Variants in SGCZ observed in about 807,000 individuals in gnomAD.
SGCZ encodes sarcoglycan zeta.
A neutral mutation model predicts 41.3 loss-of-function variants in SGCZ; 40 were observed. The ratio of observed to expected loss-of-function variants is 0.97; its 90% CI spans 0.75 to 1.26. SGCZ has a LOEUF of 1.26. Among genes scored for constraint, SGCZ ranks in the 50% most tolerant of loss-of-function variants. The pLI is 0.00. For synonymous variants in SGCZ, 206 were observed against 137.5 expected (o/e 1.50, Z -3.49); for missense variants, 552 against 369.8 (o/e 1.49, Z -4.04).
chr8:14,763,258 T>C (rs534102772), intron 1 of SGCZ, among the ~76,000 whole-genome samples: 4 of 152,278 alleles, frequency 2.6e-5, no homozygotes, highest in East Asian at 1.9e-4. Context: ...GCTTGTGAGA[T>C]ACTGTTCATT....
intron 3 of SGCZ, among the ~76,000 whole-genome samples, chr8:14,306,864 T>C (rs1278125882): frequency 1.3e-5 from 2 of 152,228 alleles, no homozygotes; most frequent in Admixed American, 6.5e-5. Flanking sequence ...ATTAATACAT[T>C]ACTTCTTTGT....
intron 1 of SGCZ, among the ~76,000 whole-genome samples, chr8:15,214,583 T>G (rs1429780497): frequency 6.6e-6 from 1 of 152,148 alleles, no homozygotes; most frequent in Non-Finnish European, 1.5e-5. Context: ...TTAGGTTTTG[T>G]CAGAATATTT....
At chr8:14,102,837 ATTT>A (rs1388610512) in intron 6 of SGCZ, among the ~76,000 whole-genome samples, 1 of 152,286 alleles carries the variant, frequency 6.6e-6, no homozygotes, top group African/African-American at 2.4e-5. Context: ...ACTTGCTAAA[ATTT>A]TTAATAACTT....
intron 1 of SGCZ, among the ~76,000 whole-genome samples, chr8:14,673,630 G>A (rs927110667): frequency 1.3e-5 from 2 of 152,144 alleles, no homozygotes; most frequent in African/African-American, 4.8e-5. Flanking sequence ...TTTTATAGCA[G>A]TGTGAAAATG....
intron 4 of SGCZ, among the ~76,000 whole-genome samples, chr8:14,217,507 C>A (rs926748214): frequency 6.6e-6 from 1 of 151,720 alleles, no homozygotes; most frequent in Non-Finnish European, 1.5e-5. Flanking sequence ...TTATATGGCA[C>A]TTCCCGTGAA....
intron 3 of SGCZ, among the ~76,000 whole-genome samples, chr8:14,261,409 A>G (rs1231761006): frequency 6.6e-6 from 1 of 152,186 alleles, no homozygotes; most frequent in Non-Finnish European, 1.5e-5. Flanking sequence ...TCTTGTTGTT[A>G]AAGAATTACC....
intron 3 of SGCZ, among the ~76,000 whole-genome samples, chr8:14,273,275 T>C (rs1487867173): frequency 6.6e-6 from 1 of 152,300 alleles, no homozygotes; most frequent in East Asian, 1.9e-4. Flanking sequence ...AGTGCTGCCA[T>C]TTTAATTACA....
At chr8:15,077,938 TA>T (rs146635395) in intron 1 of SGCZ, among the ~76,000 whole-genome samples, 22,812 of 152,138 alleles carry the variant, frequency 0.15, 1,765 homozygotes, top group Middle Eastern at 0.22. Flanking sequence ...CACAAGTGTT[TA>T]CACGAGATGT....
Position 14,892,083 on chromosome 8 carries a change from C to T in SGCZ, c.40-337157G>A, listed in dbSNP as rs532887869. 7.2e-5 allele frequency among the ~76,000 whole-genome samples: 11 copies of T among 152,270 alleles called. No individual in the cohort carries two copies. The South Asian group carries it at 2.3e-3, about 32-fold the overall frequency. On this transcript the variant is annotated intron_variant, in intron 1 of 7. Coordinates refer to ENST00000382080, the MANE Select transcript of SGCZ (RefSeq NM_139167.4). ...GAACCTGGAATATATCTAAGATATG[C>T]TTATATTTACAATCACAATTTATTA... is the stretch of plus-strand genomic sequence containing the variant.
intron 1 of SGCZ, among the ~76,000 whole-genome samples, chr8:14,925,580 T>A (rs1378945643): frequency 6.6e-6 from 1 of 152,214 alleles, no homozygotes; most frequent in Non-Finnish European, 1.5e-5. Context: ...CTTGCCCGTG[T>A]GGGTTGAAAA....
intron 1 of SGCZ, among the ~76,000 whole-genome samples, chr8:15,140,683 C>T (rs113066683): frequency 1.4e-3 from 215 of 151,978 alleles, no homozygotes; most frequent in African/African-American, 4.7e-3. Context: ...ACTGTATTTC[C>T]CCTGTCTATA....
chr8:14,924,275 G>A (rs181931040), intron 1 of SGCZ, among the ~76,000 whole-genome samples: 78 of 152,238 alleles, frequency 5.1e-4, no homozygotes, highest in African/African-American at 1.8e-3. Context: ...GTTAGTTCCT[G>A]TATAGAAATG....
chr8:14,966,636 T>G (rs1418215682), intron 1 of SGCZ, among the ~76,000 whole-genome samples: 1 of 152,148 alleles, frequency 6.6e-6, no homozygotes, highest in Non-Finnish European at 1.5e-5. Context: ...ATATTAATAC[T>G]GTTTTCCTTC....
At chr8:14,889,832 A>G (rs1804944745) in intron 1 of SGCZ, among the ~76,000 whole-genome samples, 1 of 152,106 alleles carries the variant, frequency 6.6e-6, no homozygotes, top group Non-Finnish European at 1.5e-5. Context: ...CGATATTGAA[A>G]TTTGGTCAAT....
intron 1 of SGCZ, among the ~76,000 whole-genome samples, chr8:14,768,504 A>G (rs1800117050): frequency 6.6e-6 from 1 of 152,210 alleles, no homozygotes. Context: ...TCCAAACATA[A>G]AATGCTATTT....
intron 1 of SGCZ, among the ~76,000 whole-genome samples, chr8:14,995,676 T>C (rs938157860): frequency 1.3e-5 from 2 of 152,222 alleles, no homozygotes; most frequent in Admixed American, 6.5e-5. Flanking sequence ...CAGTCCCTTA[T>C]CCTTCCTTAA....
chr8:15,074,801 T>A (rs1159883124), intron 1 of SGCZ, among the ~76,000 whole-genome samples: 1 of 152,120 alleles, frequency 6.6e-6, no homozygotes, highest in Admixed American at 6.5e-5. Flanking sequence ...GAATACATAG[T>A]TTTATCTTTC....
intron 1 of SGCZ, among the ~76,000 whole-genome samples, chr8:14,768,825 T>C (rs889301849): frequency 6.6e-5 from 10 of 151,990 alleles, no homozygotes; most frequent in African/African-American, 2.2e-4. Context: ...TTAACCACTG[T>C]TCATGGTACC....
At chr8:14,667,198 A>C (rs1407793688) in intron 1 of SGCZ, among the ~76,000 whole-genome samples, 1 of 152,178 alleles carries the variant, frequency 6.6e-6, no homozygotes, top group East Asian at 1.9e-4. Context: ...GTAATGTAAA[A>C]GTTTTGGAGA....
Sources: allele counts gnomAD v4.1 joint callset (sites outside exome capture counted in the v4.1 genomes callset), GRCh38; gene constraint gnomAD v4.1.1; transcripts MANE v1.5; gene names NCBI Gene and HGNC (gene_info 2026-07-23, HGNC 2026-07-21).